Variants in UGT8 observed in about 807,000 individuals in gnomAD.
The protein encoded by UGT8 is 2-hydroxyacylsphingosine 1-beta-galactosyltransferase.
In UGT8, 12 loss-of-function variants were observed where a neutral mutation model predicts 40.5. The observed-to-expected ratio is 0.30, with a 90% confidence interval of 0.19 to 0.48. UGT8 has a LOEUF of 0.48. Ranked by LOEUF, UGT8 falls within the 20% of genes least tolerant of loss-of-function variation. UGT8 has a pLI of 0.99. For missense variants in UGT8, 513 were observed against 648.7 expected, an observed-to-expected ratio of 0.79 and a Z score of 2.27; for synonymous variants, 224 against 240.4, an observed-to-expected ratio of 0.93 and a Z score of 0.63.
chr4:114,616,350 T>C (rs1560671330), intron 1 of UGT8, among the ~76,000 whole-genome samples: 1 of 152,176 alleles, frequency 6.6e-6, no homozygotes, highest in Non-Finnish European at 1.5e-5. Context: ...GATCTCAGAC[T>C]GCTGTGCTAG....
intron 1 of UGT8, among the ~76,000 whole-genome samples, chr4:114,599,980 G>C (rs1730346840): frequency 6.6e-6 from 1 of 152,144 alleles, no homozygotes; most frequent in Non-Finnish European, 1.5e-5. Flanking sequence ...CCTTAGGAAA[G>C]GAATAGCCTC....
intron 1 of UGT8, 88 bp from the exon 2 acceptor site, chr4:114,622,791 A>G: frequency 8.1e-7 from 1 of 1,233,162 alleles, no homozygotes; most frequent in Non-Finnish European, 1.1e-6. Context: ...TAGATCAGAT[A>G]TTTTTGGGGA....
intron 2 of UGT8, among the ~76,000 whole-genome samples, chr4:114,657,344 G>A (rs1159670799): frequency 6.6e-6 from 1 of 152,076 alleles, no homozygotes; most frequent in African/African-American, 2.4e-5. Context: ...AAGAAAAACC[G>A]ATACTGCAGA....
chr4:114,672,344 G>A (rs1233378763), intron 5 of UGT8, among the ~76,000 whole-genome samples: 10 of 151,996 alleles, frequency 6.6e-5, no homozygotes, highest in South Asian at 2.1e-4. Flanking sequence ...AATATAAATC[G>A]TTCTGCTATA....
chr4:114,611,528 CAT>C (rs34223454), intron 1 of UGT8, among the ~76,000 whole-genome samples: 1,784 of 43,260 alleles, frequency 0.041, 26 homozygotes, highest in Admixed American at 0.081. Context: ...CGTATATATC[CAT>C]ATATATATAT....
At position 114,628,564 on chromosome 4, in the gene UGT8, A is replaced by G. The variant is rs1732384265; in HGVS notation, c.822+4862A>G. 4.0e-5 allele frequency among the ~76,000 whole-genome samples: 6 copies of G among 151,780 alleles called. No individual in the cohort carries two copies. In the South Asian group the frequency reaches 1.2e-3, roughly 32 times the overall value. On this transcript the variant is annotated intron_variant, in intron 2 of 5. Transcript: ENST00000310836. ...TCTTTTCTCTCTTCCAAATATGCATATAAACAGGGGCAGTGCTGAAAGTCA... is the reference window on the plus strand; with the variant it reads ...TCTTTTCTCTCTTCCAAATATGCATGTAAACAGGGGCAGTGCTGAAAGTCA...
chr4:114,607,916 A>G (rs925484097), intron 1 of UGT8, among the ~76,000 whole-genome samples: 2 of 151,862 alleles, frequency 1.3e-5, no homozygotes, highest in Non-Finnish European at 2.9e-5. Context: ...ATCACCTCCT[A>G]CTGCCCACAA....
At chr4:114,666,648 A>G (rs1186841425) in intron 4 of UGT8, among the ~76,000 whole-genome samples, 1 of 152,192 alleles carries the variant, frequency 6.6e-6, no homozygotes, top group African/African-American at 2.4e-5. Flanking sequence ...ACTATCAACT[A>G]TTTCAGTGCG....
chr4:114,665,801 A>T, intron 4 of UGT8, 45 bp downstream of exon 4: 1 of 1,509,390 alleles, frequency 6.6e-7, no homozygotes, highest in Admixed American at 2.1e-5. Flanking sequence ...TTAGGTTTTA[A>T]TTACATAAAT....
intron 5 of UGT8, among the ~76,000 whole-genome samples, chr4:114,675,391 C>T (rs1427777823): frequency 6.6e-6 from 1 of 152,124 alleles, no homozygotes; most frequent in African/African-American, 2.4e-5. Context: ...TCAAGTTAGT[C>T]TCCGATTTTC....
chr4:114,648,379 T>G (rs1002922982), intron 2 of UGT8, among the ~76,000 whole-genome samples: 2 of 151,464 alleles, frequency 1.3e-5, no homozygotes, highest in Admixed American at 6.6e-5. Context: ...TGGTTTTTTT[T>G]TTTTTTTTTT....
At chr4:114,610,084 T>C (rs1253101212) in intron 1 of UGT8, among the ~76,000 whole-genome samples, 1 of 152,144 alleles carries the variant, frequency 6.6e-6, no homozygotes, top group Non-Finnish European at 1.5e-5. Flanking sequence ...ATCACAGAAT[T>C]CAATAAAAAG....
chr4:114,626,633 T>C (rs1470663896), intron 2 of UGT8, among the ~76,000 whole-genome samples: 1 of 152,238 alleles, frequency 6.6e-6, no homozygotes, highest in Non-Finnish European at 1.5e-5. Context: ...AGTCCATCCA[T>C]TTCTCACATA....
intron 4 of UGT8, 97 bp downstream of exon 4, chr4:114,665,853 TACG>T: frequency 1.1e-6 from 1 of 931,990 alleles, no homozygotes. Context: ...TCATACGGTA[TACG>T]GTATGTATGT....
At chr4:114,601,202 T>G (rs1197990136) in intron 1 of UGT8, among the ~76,000 whole-genome samples, 1 of 152,224 alleles carries the variant, frequency 6.6e-6, no homozygotes, top group East Asian at 1.9e-4. Flanking sequence ...TATGACAATT[T>G]TTTTGGATAA....
chr4:114,604,474 C>CTTT (rs1285981571), intron 1 of UGT8, among the ~76,000 whole-genome samples: 2,553 of 103,564 alleles, frequency 0.025, 81 homozygotes, highest in African/African-American at 0.08. Context: ...TTTTTTTTTC[C>CTTT]CCCAATTAAG....
intron 1 of UGT8, among the ~76,000 whole-genome samples, chr4:114,618,568 T>C (rs776399973): frequency 6.6e-5 from 10 of 152,218 alleles, no homozygotes; most frequent in Non-Finnish European, 1.0e-4. Context: ...ATGGAAACAC[T>C]TGTTTTAATC....
intron 2 of UGT8, among the ~76,000 whole-genome samples, chr4:114,628,640 T>C (rs1348301755): frequency 2.0e-5 from 3 of 151,266 alleles, no homozygotes; most frequent in African/African-American, 7.3e-5. Context: ...TGGCACTCAT[T>C]TGGTGCTCTT....
chr4:114,607,068 T>A (rs143539312), intron 1 of UGT8, among the ~76,000 whole-genome samples: 2 of 152,268 alleles, frequency 1.3e-5, no homozygotes, highest in African/African-American at 4.8e-5. Context: ...AGTGTTAGAG[T>A]CATACAGCTT....
Sources: allele counts gnomAD v4.1 joint callset (sites outside exome capture counted in the v4.1 genomes callset), GRCh38; gene constraint gnomAD v4.1.1; transcripts MANE v1.5; gene names NCBI Gene and HGNC (gene_info 2026-07-23, HGNC 2026-07-21).